MYO3B: variants seen among roughly 807,000 people sequenced by gnomAD.
The protein encoded by MYO3B is myosin IIIB.
Under a neutral mutation model 174.6 loss-of-function variants are expected in MYO3B, and 156 were observed. The observed-to-expected ratio is 0.89, with a 90% confidence interval of 0.78 to 1.02. The LOEUF is 1.02. MYO3B is among the 50% of genes least tolerant of loss of function. The pLI, the probability that MYO3B is intolerant of heterozygous loss-of-function variation, is 0.00. For missense variants in MYO3B, 1,632 were observed against 1,639.4 expected (o/e 1.00, Z 0.08); for synonymous variants, 563 against 569.1 (o/e 0.99, Z 0.15).
At chr2:170,558,970 A>G (rs1275485457) in intron 32 of MYO3B, among the ~76,000 whole-genome samples, 1 of 152,240 alleles carries the variant, frequency 6.6e-6, no homozygotes, top group Non-Finnish European at 1.5e-5. Context: ...GTAAGCACTC[A>G]ACAAAAATTT....
intron 32 of MYO3B, chr2:170,601,780 T>A: frequency 7.6e-7 from 1 of 1,322,732 alleles, no homozygotes; most frequent in Non-Finnish European, 1.1e-6. Context: ...TTCCTTCAGC[T>A]TTGCAGCCTT....
At chr2:170,346,605 T>C (rs1160493314) in intron 8 of MYO3B, among the ~76,000 whole-genome samples, 1 of 152,200 alleles carries the variant, frequency 6.6e-6, no homozygotes, top group African/African-American at 2.4e-5. Context: ...TTTAAATATG[T>C]GTCATAAGGG....
At chr2:170,534,921 G>T (rs1689590477) in intron 30 of MYO3B, among the ~76,000 whole-genome samples, 1 of 152,034 alleles carries the variant, frequency 6.6e-6, no homozygotes, top group Non-Finnish European at 1.5e-5. Flanking sequence ...GCCCTTTAAG[G>T]ACTTTTGAAA....
chr2:170,499,967 CTTCTTTCCTTCCTTCCTTTA>C (rs1687153315), intron 27 of MYO3B, among the ~76,000 whole-genome samples, 159 bp downstream of exon 27: 1 of 141,018 alleles, frequency 7.1e-6, no homozygotes, highest in African/African-American at 2.6e-5. Context: ...TCCTTCCTTC[CTTCTTTCCTTCCTTCCTTTA>C]GCAAATGTGT....
chr2:170,467,312 C>T (rs1575027186), intron 25 of MYO3B, among the ~76,000 whole-genome samples: 2 of 152,220 alleles, frequency 1.3e-5, no homozygotes, highest in South Asian at 4.1e-4. Flanking sequence ...AGGATTTGAA[C>T]CCAGGCAGTC....
rs145870408 is a variant in MYO3B at position 170,469,812 on chromosome 2, A to C, written c.3014+3101A>C. 2.5e-3 allele frequency among the ~76,000 whole-genome samples: 386 copies of C among 152,246 alleles called. 6 individuals are homozygous for C. The East Asian group carries it at 0.041, about 16-fold the overall frequency. On this transcript the variant is annotated intron_variant, in intron 25 of 34. Coordinates refer to ENST00000408978, the MANE Select transcript of MYO3B (RefSeq NM_138995.5). ...ATGATAAAAGTCATCTTTTGAAAGT[A>C]TACAATTCAGCCGGGCACGGTGGCT... is the stretch of plus-strand genomic sequence containing the variant.
chr2:170,488,248 A>G (rs1238542016), intron 25 of MYO3B, among the ~76,000 whole-genome samples: 2 of 152,192 alleles, frequency 1.3e-5, no homozygotes, highest in Non-Finnish European at 2.9e-5. Flanking sequence ...TCCACTTCAA[A>G]GATTATAAGT....
chr2:170,462,476 G>A (rs967253828), intron 23 of MYO3B, among the ~76,000 whole-genome samples: 1 of 152,128 alleles, frequency 6.6e-6, no homozygotes, highest in East Asian at 1.9e-4. Flanking sequence ...ACCCCTTTTA[G>A]CACCAGTTTT....
intron 32 of MYO3B, among the ~76,000 whole-genome samples, chr2:170,632,266 A>T (rs1233992029): frequency 6.6e-6 from 1 of 152,216 alleles, no homozygotes; most frequent in African/African-American, 2.4e-5. Flanking sequence ...AAAACAACAG[A>T]AATCATAACA....
chr2:170,621,325 G>C (rs887294783), intron 32 of MYO3B, among the ~76,000 whole-genome samples: 1 of 152,120 alleles, frequency 6.6e-6, no homozygotes, highest in Non-Finnish European at 1.5e-5. Context: ...AGTTCATATG[G>C]AGTATCTGGT....
At chr2:170,494,727 C>CAAAAAAAAAAAAAAAAAAAAAAAA (rs3066990) in intron 25 of MYO3B, among the ~76,000 whole-genome samples, 6 of 92,014 alleles carry the variant, frequency 6.5e-5, no homozygotes, top group Non-Finnish European at 8.2e-5. Context: ...AACTGCGTCT[C>CAAAAAAAAAAAAAAAAAAAAAAAA]AAAAAAAAAA....
At chr2:170,478,522 T>TAC (rs60349340) in intron 25 of MYO3B, among the ~76,000 whole-genome samples, 4,111 of 126,004 alleles carry the variant, frequency 0.033, 100 homozygotes, top group East Asian at 0.089. Context: ...GGTGTTATTG[T>TAC]ACACACACAC....
intron 24 of MYO3B, among the ~76,000 whole-genome samples, chr2:170,465,195 A>G (rs538379474): frequency 6.6e-6 from 1 of 152,196 alleles, no homozygotes; most frequent in East Asian, 1.9e-4. Context: ...TTTATAAAGA[A>G]AAGAGGTTTA....
chr2:170,618,518 C>T (rs895653381), intron 32 of MYO3B, among the ~76,000 whole-genome samples: 7 of 152,098 alleles, frequency 4.6e-5, no homozygotes, highest in Admixed American at 2.0e-4. Context: ...TTCTCTGTCT[C>T]GTTGTTGCAT....
At chr2:170,184,417 C>T (rs2092438945) in intron 1 of MYO3B, among the ~76,000 whole-genome samples, 1 of 152,134 alleles carries the variant, frequency 6.6e-6, no homozygotes, top group Non-Finnish European at 1.5e-5. Context: ...TTAGCTTTCA[C>T]AAGTAAGTGA....
chr2:170,307,646 A>G (rs1559375518), intron 7 of MYO3B, among the ~76,000 whole-genome samples: 1 of 152,290 alleles, frequency 6.6e-6, no homozygotes, highest in East Asian at 1.9e-4. Context: ...CCCAGGAAGA[A>G]ATTCAAAGGC....
chr2:170,368,711 C>T (rs1039200611), intron 8 of MYO3B, among the ~76,000 whole-genome samples: 12 of 152,138 alleles, frequency 7.9e-5, no homozygotes, highest in African/African-American at 2.2e-4. Context: ...AGAAATCAAG[C>T]GCCAGCGTTT....
At chr2:170,506,884 A>G (rs1346482023) in intron 28 of MYO3B, among the ~76,000 whole-genome samples, 1 of 152,238 alleles carries the variant, frequency 6.6e-6, no homozygotes, top group East Asian at 1.9e-4. Context: ...GAAAAGGTCC[A>G]TTTTGAACAA....
At chr2:170,400,400 TC>T in intron 17 of MYO3B, 86 bp downstream of exon 17, 3 of 1,272,126 alleles carry the variant, frequency 2.4e-6, no homozygotes, top group East Asian at 2.6e-5. Context: ...CATTTGCTGG[TC>T]CTTTTTTTTT....
Sources: gnomAD v4.1 joint callset for allele counts (sites outside exome capture counted in the v4.1 genomes callset) on GRCh38, gnomAD v4.1.1 for gene constraint, MANE v1.5 for transcripts, NCBI Gene and HGNC (gene_info 2026-07-23, HGNC 2026-07-21) for gene names.